NLRC4: variants seen among roughly 807,000 people sequenced by gnomAD.
NLRC4 encodes the protein NLR family CARD domain containing 4, also known as NLR family CARD domain-containing protein 4.
Under a neutral mutation model 79.9 loss-of-function variants are expected in NLRC4, and 63 were observed. That is an observed-to-expected ratio of 0.79 (90% CI 0.64 to 0.97). The LOEUF (loss-of-function observed/expected upper bound fraction) is 0.97. NLRC4 is among the 50% of genes least tolerant of loss of function. NLRC4 has a pLI of 0.00. For missense variants in NLRC4, 1,074 were observed against 1,215.2 expected (o/e 0.88, Z 1.73); for synonymous variants, 461 against 456.5 (o/e 1.01, Z -0.12).
chr2:32,250,487 C>T lies in NLRC4; in HGVS notation c.1377G>A (p.Leu459=). 2 of 1,614,232 alleles carry T rather than the reference C, an allele frequency of 1.2e-6. No homozygotes were observed. Among genetic ancestry groups the T allele is most frequent in the Non-Finnish European group, 1.7e-6 (2 of 1,180,044 alleles). Residue 459 remains leucine, a synonymous_variant, in exon 4 of 9, where the codon TTG becomes TTA. Transcript: ENST00000402280. The surrounding 1 kb of genome is among the most constrained non-coding windows in gnomAD (Gnocchi z 4.9). ...YTAGRRLSSL[L]TSHEPEEVTK... ...TCACCTCCTCTGGCTCATGAGACGT[C>T]AATAAACTGCTGAGTCTTCGTCCTG...
intron 8 of NLRC4, among the ~76,000 whole-genome samples, chr2:32,232,197 C>T (rs1686554359): frequency 6.6e-6 from 1 of 152,086 alleles, no homozygotes; most frequent in South Asian, 2.1e-4. Context: ...TTCACCTGAC[C>T]AAGGTAGTGT....
intron 8 of NLRC4, among the ~76,000 whole-genome samples, chr2:32,228,573 GA>G (rs1190208575): frequency 2.0e-5 from 3 of 152,098 alleles, no homozygotes; most frequent in Non-Finnish European, 4.4e-5. Context: ...TAGAAAACAA[GA>G]AAAATCAAAC....
At chr2:32,236,453 C>A in intron 6 of NLRC4, 114 bp from the exon 7 acceptor site, 2 of 641,676 alleles carry the variant, frequency 3.1e-6, no homozygotes, top group South Asian at 4.0e-5. Context: ...GTAGTGCAAA[C>A]CATAACTTGC....
rs1686314562 is a variant in NLRC4, at chr2:32,224,501, G to A, written c.3047C>T (p.Thr1016Ile). The A allele has an allele frequency of 6.2e-7, 1 of 1,611,672 alleles. No individual in the cohort carries two copies. Among genetic ancestry groups the A allele is most frequent in the Non-Finnish European group, 8.5e-7 (1 of 1,179,062 alleles). ...AGCAGTTACTAGTTTAAAAGCACCT[G>A]TAATAACACTGAGATCATCATCATC... ...QFDDDDLSVI[T>I]GAFKLVTA The change falls in exon 9 of 9, where the codon ACA (threonine) becomes ATA (isoleucine). Residue 1016 changes from threonine to isoleucine, a missense_variant. Physicochemically the swap from Thr to Ile is moderately conservative, Grantham distance 89. Transcript: ENST00000402280.
intron 1 of NLRC4, among the ~76,000 whole-genome samples, chr2:32,257,963 T>C (rs1025574722): frequency 6.6e-6 from 1 of 152,134 alleles, no homozygotes; most frequent in African/African-American, 2.4e-5. Flanking sequence ...ATTAGCTCAA[T>C]GGGACCCCTG....
intron 2 of NLRC4, among the ~76,000 whole-genome samples, chr2:32,252,963 A>C (rs1328648951): frequency 6.6e-6 from 1 of 151,636 alleles, no homozygotes; most frequent in Non-Finnish European, 1.5e-5. Context: ...GCTTGCAGTG[A>C]GCTGAGATAG....
At chr2:32,247,868 A>G (rs1292851943) in intron 4 of NLRC4, among the ~76,000 whole-genome samples, 2 of 152,108 alleles carry the variant, frequency 1.3e-5, no homozygotes, top group African/African-American at 4.8e-5. Flanking sequence ...TTGCAGCAAC[A>G]TTGATGGAAC....
rs144558409 is a variant in NLRC4 at position 32,257,612 on chromosome 2, G to GAA, written c.-118-721_-118-720dup. Among the ~76,000 whole-genome samples, 4 of 122,274 alleles carry GAA rather than the reference G, an allele frequency of 3.3e-5. No individual in the cohort carries two copies. In the South Asian group the frequency reaches 8.4e-4, roughly 26 times the overall value. 80.2% of individuals were successfully genotyped at this position (122,274 alleles called of 152,430 possible). The stretch of plus-strand genomic sequence containing the variant: ...ACAGAGCGAGACTCTGCCTCAAAAA[G>GAA]AAAAAAAAAAAAAAAAAAGGATAAG... On this transcript the variant is annotated intron_variant, in intron 1 of 8. Coordinates refer to ENST00000402280, the MANE Select transcript of NLRC4 (RefSeq NM_001199138.2).
At chr2:32,260,834 C>A (rs73922712) in intron 1 of NLRC4, among the ~76,000 whole-genome samples, 1,585 of 152,220 alleles carry the variant, frequency 0.01, 25 homozygotes, top group African/African-American at 0.036. Context: ...AACGTTATAC[C>A]GGTTCTGACC....
chr2:32,257,814 A>G (rs1687243861), intron 1 of NLRC4, among the ~76,000 whole-genome samples: 1 of 151,870 alleles, frequency 6.6e-6, no homozygotes, highest in African/African-American at 2.4e-5. Context: ...TCAGACCTCT[A>G]GGGGATCATA....
chr2:32,261,316 C>CCTTTTTTTTTTTTT, intron 1 of NLRC4, among the ~76,000 whole-genome samples: 9 of 96,924 alleles, frequency 9.3e-5, no homozygotes, highest in African/African-American at 2.9e-4. Context: ...AGCCTCCCCC[C>CCTTTTTTTTTTTTT]TTTTGTTTTT....
chr2:32,260,201 C>A lies in NLRC4; in HGVS notation c.-118-3308G>T, dbSNP rs1406273373. On this transcript the variant is annotated intron_variant, in intron 1 of 8. Transcript: ENST00000402280. ...CCAAGATCGTGCCACCACACTCCAG[C>A]CTGGGCAACGACAAAAAAAAAAAAA... is the stretch of plus-strand genomic sequence containing the variant. Among the ~76,000 whole-genome samples, 5 of 132,786 alleles carry A rather than the reference C, an allele frequency of 3.8e-5. No individual in the cohort carries two copies. The Admixed American group carries it at 4.2e-4, about 11-fold the overall frequency. The allele number at this position is 132,786 out of a possible 152,430, so 87.1% of individuals were successfully genotyped here. A position where few individuals can be genotyped will look rare whatever the true frequency, so the allele number is the denominator to read the frequency against.
Position 32,249,891 on chromosome 2 carries a change from TC to T in NLRC4, c.1972del (p.Glu658AsnfsTer15), listed in dbSNP as rs1353209551. ...AVSLFFNWKQ[E>X]FRTLEVTLRD... is the part of the protein sequence containing the mutation. ...GAGTGTGACCTCCAGAGTCCTGAAT[TC>T]CTGCTTCCAGTTGAAGAACAAAGAT... On this transcript the variant is annotated frameshift_variant, in exon 4 of 9. Transcript: ENST00000402280. LOFTEE classifies it high-confidence loss of function. 6.2e-7 allele frequency: 1 copy of T among 1,614,198 alleles called. No homozygotes were observed. Among genetic ancestry groups the T allele is most frequent in the South Asian group, 1.1e-5 (1 of 91,082 alleles).
At chr2:32,261,244 A>G (rs1222998386) in intron 1 of NLRC4, among the ~76,000 whole-genome samples, 1 of 149,138 alleles carries the variant, frequency 6.7e-6, no homozygotes, top group Non-Finnish European at 1.5e-5. Context: ...CCACTCACTC[A>G]GGTTCCCCTC....
chr2:32,227,029 G>A (rs72863999), intron 8 of NLRC4, among the ~76,000 whole-genome samples: 196 of 152,296 alleles, frequency 1.3e-3, no homozygotes, highest in African/African-American at 4.5e-3. Flanking sequence ...TTTTTGCCAA[G>A]GAAGTATAGG....
intron 1 of NLRC4, among the ~76,000 whole-genome samples, chr2:32,261,834 G>A (rs1364565885): frequency 6.6e-6 from 1 of 151,966 alleles, no homozygotes; most frequent in Non-Finnish European, 1.5e-5. Flanking sequence ...TGTAATCCTA[G>A]CACTTTGGGA....
Position 32,249,750 on chromosome 2 carries a change from CTG to C in NLRC4, c.2112_2113del (p.Ser705PhefsTer7), listed in dbSNP as rs1271759184. ...GTTCTTACAGGTGCTGAGGACCAAA[CTG>C]AGGCTTCCAGCCACACCAGCACATC... On this transcript the variant is annotated frameshift_variant, in exon 4 of 9. Coordinates refer to ENST00000402280, the MANE Select transcript of NLRC4 (RefSeq NM_001199138.2). LOFTEE classifies it high-confidence loss of function. The C allele has an allele frequency of 1.9e-5, 30 of 1,614,116 alleles. No homozygotes were observed. The highest frequency in any genetic ancestry group is 2.5e-5 in the Non-Finnish European group (30 of 1,180,050).
chr2:32,265,335 C>A (rs974306126), upstream of NLRC4, among the ~76,000 whole-genome samples: 1 of 152,112 alleles, frequency 6.6e-6, no homozygotes, highest in Non-Finnish European at 1.5e-5. Flanking sequence ...CGTGCACCAC[C>A]ATGCCCGGCT....
chr2:32,224,768 G>A lies in NLRC4; in HGVS notation c.2783-3C>T. ...AGGGTTCTTTCCAAAAAATGCACCT[G>A]GGTAAAGAAATAAGTATATTAGTTG... On this transcript the variant is annotated splice_polypyrimidine_tract_variant and splice_region_variant and intron_variant, in intron 8 of 8. Coordinates refer to ENST00000402280, the MANE Select transcript of NLRC4 (RefSeq NM_001199138.2). The A allele has an allele frequency of 1.3e-6, 2 of 1,535,444 alleles. No individual in the cohort carries two copies. The highest frequency in any genetic ancestry group is 1.3e-5 in the South Asian group (1 of 79,416).
Sources: allele counts gnomAD v4.1 joint callset (sites outside exome capture counted in the v4.1 genomes callset), GRCh38; gene constraint gnomAD v4.1.1; non-coding constraint Gnocchi (gnomAD v3.1); transcripts MANE v1.5; gene names NCBI Gene and HGNC (gene_info 2026-07-23, HGNC 2026-07-21).